Variants in ULK4 observed in about 807,000 individuals in gnomAD.
ULK4 encodes the protein unc-51 like kinase 4.
In ULK4, 133 loss-of-function variants were observed where a neutral mutation model predicts 160.6. The observed-to-expected ratio is 0.83, with a 90% CI of 0.72 to 0.96. The LOEUF (loss-of-function observed/expected upper bound fraction) is 0.96, where lower values mean the gene tolerates loss of function less well. Ranked by LOEUF, ULK4 falls within the 40% of genes least tolerant of loss-of-function variation. The pLI, the probability that ULK4 is intolerant of heterozygous loss-of-function variation, is 0.00. For synonymous variants in ULK4, 534 were observed against 539.8 expected, an observed-to-expected ratio of 0.99 and a Z score of 0.15; for missense variants, 1,580 against 1,499.5, an observed-to-expected ratio of 1.05 and a Z score of -0.89.
At chr3:41,805,490 GAT>G (rs1445563670) in intron 19 of ULK4, among the ~76,000 whole-genome samples, 1 of 152,010 alleles carries the variant, frequency 6.6e-6, no homozygotes, top group Admixed American at 6.6e-5. Flanking sequence ...TCTCCTGCCT[GAT>G]TGCCCTGGCC....
At chr3:41,886,618 C>A (rs1172404819) in intron 16 of ULK4, among the ~76,000 whole-genome samples, 1 of 150,946 alleles carries the variant, frequency 6.6e-6, no homozygotes, top group East Asian at 1.9e-4. Flanking sequence ...GTCACCCAGG[C>A]TGGAGTGTAG....
intron 25 of ULK4, among the ~76,000 whole-genome samples, chr3:41,713,121 C>T (rs763814745): frequency 6.6e-6 from 1 of 151,604 alleles, no homozygotes; most frequent in African/African-American, 2.4e-5. Flanking sequence ...GTTTAGGAAG[C>T]CTTTGCCTAA....
chr3:41,505,774 T>A (rs1164603785), intron 32 of ULK4, among the ~76,000 whole-genome samples: 1 of 152,124 alleles, frequency 6.6e-6, no homozygotes, highest in Non-Finnish European at 1.5e-5. Flanking sequence ...TAGTTTTATT[T>A]CTTCCTTTCT....
chr3:41,377,066 C>T (rs201380583), intron 35 of ULK4, among the ~76,000 whole-genome samples: 4,169 of 151,570 alleles, frequency 0.028, 125 homozygotes, highest in African/African-American at 0.077. Context: ...TCAGAAATAA[C>T]GCCACATATC....
intron 18 of ULK4, among the ~76,000 whole-genome samples, chr3:41,828,243 C>T (rs1488559278): frequency 6.9e-6 from 1 of 144,234 alleles, no homozygotes; most frequent in African/African-American, 2.6e-5. Context: ...TGGCACAAGA[C>T]AGGGATGCCC....
At chr3:41,927,044 T>C (rs546946523) in intron 5 of ULK4, among the ~76,000 whole-genome samples, 271 of 152,110 alleles carry the variant, frequency 1.8e-3, no homozygotes, top group African/African-American at 6.3e-3. Context: ...AGACACATAA[T>C]TGTCAGATTC....
intron 32 of ULK4, among the ~76,000 whole-genome samples, chr3:41,558,022 T>A (rs1395713422): frequency 6.6e-6 from 1 of 152,100 alleles, no homozygotes; most frequent in South Asian, 2.1e-4. Context: ...TGTGGAAATA[T>A]AAATTGGCAC....
At chr3:41,734,062 G>C (rs115228032) in intron 22 of ULK4, among the ~76,000 whole-genome samples, 1 of 151,996 alleles carries the variant, frequency 6.6e-6, no homozygotes, top group African/African-American at 2.4e-5. Context: ...AATTGTTCCA[G>C]CTTTTGTGTG....
intron 2 of ULK4, among the ~76,000 whole-genome samples, chr3:41,951,016 C>T (rs547223314): frequency 5.3e-5 from 8 of 151,520 alleles, no homozygotes; most frequent in South Asian, 2.1e-4. Flanking sequence ...TGGTGGCGGG[C>T]GCCTGTAGTC....
chr3:41,804,786 T>C (rs933926035), intron 19 of ULK4, among the ~76,000 whole-genome samples: 10 of 152,172 alleles, frequency 6.6e-5, no homozygotes, highest in South Asian at 2.1e-4. Context: ...AAAGATCAGA[T>C]CGTTGTAGAT....
chr3:41,613,534 A>G (rs956911662), intron 31 of ULK4, among the ~76,000 whole-genome samples: 1 of 152,072 alleles, frequency 6.6e-6, no homozygotes, highest in Non-Finnish European at 1.5e-5. Flanking sequence ...AAAAATGTGC[A>G]TCATAGAATC....
chr3:41,796,142 T>C (rs2040294004), intron 20 of ULK4, among the ~76,000 whole-genome samples: 1 of 150,720 alleles, frequency 6.6e-6, no homozygotes, highest in Non-Finnish European at 1.5e-5. Context: ...GCAAGGGAGG[T>C]TGGGGTAATA....
chr3:41,748,540 A>C (rs2038500304), intron 22 of ULK4, among the ~76,000 whole-genome samples: 1 of 152,162 alleles, frequency 6.6e-6, no homozygotes, highest in Admixed American at 6.5e-5. Flanking sequence ...TTCAACTTTT[A>C]AAGACCACTT....
intron 17 of ULK4, among the ~76,000 whole-genome samples, chr3:41,836,800 AT>A (rs2041771675): frequency 6.6e-6 from 1 of 152,218 alleles, no homozygotes; most frequent in South Asian, 2.1e-4. Flanking sequence ...GATCTAGTTA[AT>A]GTCCTAGGAG....
At chr3:41,637,278 G>A (rs1302452077) in intron 30 of ULK4, among the ~76,000 whole-genome samples, 4 of 152,090 alleles carry the variant, frequency 2.6e-5, no homozygotes, top group African/African-American at 7.2e-5. Context: ...CCACATATAA[G>A]TGAGATGATG....
At chr3:41,671,903 A>G (rs1018670874) in intron 29 of ULK4, among the ~76,000 whole-genome samples, 4 of 152,126 alleles carry the variant, frequency 2.6e-5, no homozygotes, top group African/African-American at 9.7e-5. Flanking sequence ...TAATAATCCC[A>G]TTTAAAAGTG....
chr3:41,895,149 C>T (rs542804162), intron 16 of ULK4, among the ~76,000 whole-genome samples: 1 of 152,240 alleles, frequency 6.6e-6, no homozygotes, highest in Admixed American at 6.5e-5. Context: ...GTGGCTCACA[C>T]CTGTAATCCT....
At chr3:41,530,284 G>A (rs1041752122) in intron 32 of ULK4, among the ~76,000 whole-genome samples, 11 of 152,160 alleles carry the variant, frequency 7.2e-5, no homozygotes, top group Non-Finnish European at 8.8e-5. Flanking sequence ...TAAGGAAGGG[G>A]GACACAGAAA....
intron 29 of ULK4, among the ~76,000 whole-genome samples, chr3:41,672,817 T>C (rs1032367441): frequency 2.6e-5 from 4 of 152,132 alleles, no homozygotes; most frequent in Non-Finnish European, 5.9e-5. Flanking sequence ...TGCCCATAAG[T>C]ATGTACAAAT....
Sources: gnomAD v4.1 joint callset for allele counts (sites outside exome capture counted in the v4.1 genomes callset) on GRCh38, gnomAD v4.1.1 for gene constraint, MANE v1.5 for transcripts, NCBI Gene and HGNC (gene_info 2026-07-23, HGNC 2026-07-21) for gene names.